RPH3A: variants seen among roughly 807,000 people sequenced by gnomAD.
RPH3A encodes rabphilin 3A, also known as rabphilin-3A.
In RPH3A, 48 loss-of-function variants were observed where a neutral mutation model predicts 102.2. The ratio of observed to expected loss-of-function variants is 0.47; its 90% CI spans 0.37 to 0.60. The LOEUF (loss-of-function observed/expected upper bound fraction) is 0.60. RPH3A is among the 20% of genes least tolerant of loss of function. The probability of loss-of-function intolerance (pLI) is 0.00; values close to 1 mark genes in which losing one functional copy is unlikely to be tolerated. For missense variants in RPH3A, 781 were observed against 910.1 expected, an observed-to-expected ratio of 0.86 and a Z score of 1.83; for synonymous variants, 310 against 324.3, an observed-to-expected ratio of 0.96 and a Z score of 0.47.
chr12:112,637,893 G>A (rs2135989775), intron 1 of RPH3A, among the ~76,000 whole-genome samples: 1 of 151,652 alleles, frequency 6.6e-6, no homozygotes, highest in Admixed American at 6.6e-5. Context: ...GATAAGGATG[G>A]TGTCTGCCAG....
At chr12:112,614,237 A>G (rs925881911) in intron 1 of RPH3A, among the ~76,000 whole-genome samples, 3 of 152,206 alleles carry the variant, frequency 2.0e-5, no homozygotes, top group African/African-American at 7.2e-5. Context: ...GCAATTTGTC[A>G]CAGCAGCAAT....
chr12:112,625,050 C>T (rs1239782568), intron 1 of RPH3A, among the ~76,000 whole-genome samples: 326 of 108,554 alleles, frequency 3.0e-3, no homozygotes, highest in African/African-American at 0.012. Context: ...ATTGATGGGA[C>T]GTATTTCAAA....
At chr12:112,749,995 G>A (rs1050237336) in intron 1 of RPH3A, among the ~76,000 whole-genome samples, 2 of 152,178 alleles carry the variant, frequency 1.3e-5, no homozygotes, top group African/African-American at 4.8e-5. Flanking sequence ...TCTGGTCACT[G>A]TTGAGGTAGT....
intron 1 of RPH3A, among the ~76,000 whole-genome samples, chr12:112,748,260 G>A (rs116072778): frequency 0.016 from 2,489 of 152,228 alleles, 50 homozygotes; most frequent in African/African-American, 0.054. Flanking sequence ...GTTCCCAGAC[G>A]TGTATGGCTA....
At chr12:112,639,327 A>G (rs2039869709) in intron 1 of RPH3A, among the ~76,000 whole-genome samples, 1 of 152,190 alleles carries the variant, frequency 6.6e-6, no homozygotes, top group Non-Finnish European at 1.5e-5. Context: ...ATAAAAAGGA[A>G]CGAGATCATG....
At chr12:112,710,084 C>T (rs1210505287) in intron 1 of RPH3A, among the ~76,000 whole-genome samples, 1 of 152,170 alleles carries the variant, frequency 6.6e-6, no homozygotes, top group Non-Finnish European at 1.5e-5. Flanking sequence ...ACACCATTCT[C>T]CTGCCTCAGC....
chr12:112,791,466 C>T (rs972884967), upstream of RPH3A: 1 of 152,538 alleles, frequency 6.6e-6, no homozygotes, highest in Non-Finnish European at 1.5e-5. Context: ...GGACTCCCCC[C>T]TTCTCTGCTT....
At chr12:112,591,359 T>C (rs1431022419) in intron 1 of RPH3A, among the ~76,000 whole-genome samples, 5 of 152,258 alleles carry the variant, frequency 3.3e-5, no homozygotes, top group Non-Finnish European at 7.3e-5. Context: ...GTGCTGGGAT[T>C]GCAAGTGTGT....
Position 112,868,718 on chromosome 12 carries a change from C to T in RPH3A, c.610+123C>T, listed in dbSNP as rs982772120. 5 of 1,088,856 alleles carry T rather than the reference C, an allele frequency of 4.6e-6. No homozygotes were observed. In the South Asian group the frequency reaches 4.9e-5, roughly 11 times the overall value. 67.4% of individuals were successfully genotyped at this position (1,088,856 alleles called of 1,614,324 possible). The stretch of plus-strand genomic sequence containing the variant: ...AGTTGTTGCATGGTCAGCTTCTGCA[C>T]TTGGGTCTAGGACTCCTATATCTCC... On this transcript the variant is annotated intron_variant, in intron 8 of 21. Transcript: ENST00000389385.
At chr12:112,719,507 G>A (rs1286985517) in intron 1 of RPH3A, among the ~76,000 whole-genome samples, 4 of 152,286 alleles carry the variant, frequency 2.6e-5, no homozygotes, top group East Asian at 1.9e-4. Context: ...ATAATAGCGT[G>A]CATTGTGCTG....
At chr12:112,668,906 T>A (rs2040106208) in intron 1 of RPH3A, among the ~76,000 whole-genome samples, 1 of 152,186 alleles carries the variant, frequency 6.6e-6, no homozygotes, top group Non-Finnish European at 1.5e-5. Flanking sequence ...GAACTCCTCA[T>A]GGCTTTTATT....
chr12:112,789,887 CA>C (rs144494791), upstream of RPH3A, among the ~76,000 whole-genome samples: 14,567 of 70,796 alleles, frequency 0.21, 878 homozygotes, highest in African/African-American at 0.32. Flanking sequence ...CCCATCTCTG[CA>C]AAAAAAAAAA....
chr12:112,883,913 G>A (rs1235974046), intron 16 of RPH3A, among the ~76,000 whole-genome samples: 3 of 152,104 alleles, frequency 2.0e-5, no homozygotes, highest in Non-Finnish European at 4.4e-5. Context: ...TACTGTTGAT[G>A]TATTTGGGTG....
chr12:112,781,397 C>T (rs941133584), intron 1 of RPH3A, among the ~76,000 whole-genome samples: 4 of 152,158 alleles, frequency 2.6e-5, no homozygotes, highest in South Asian at 2.1e-4. Flanking sequence ...CACGTGGCTG[C>T]GACTTTAGAA....
chr12:112,728,764 A>G (rs10744782), intron 1 of RPH3A, among the ~76,000 whole-genome samples: 115,265 of 152,160 alleles, frequency 0.76, 44,376 homozygotes, highest in East Asian at 0.95. Context: ...TTGGATGGCT[A>G]TGGAATTGAG....
intron 2 of RPH3A, among the ~76,000 whole-genome samples, chr12:112,825,566 G>A (rs1175447035): frequency 6.6e-6 from 1 of 152,098 alleles, no homozygotes; most frequent in Non-Finnish European, 1.5e-5. Context: ...TCAGAGGGGT[G>A]GGGTCGGGGG....
chr12:112,878,768 A>G (rs917133687), intron 13 of RPH3A, among the ~76,000 whole-genome samples: 1 of 152,222 alleles, frequency 6.6e-6, no homozygotes, highest in African/African-American at 2.4e-5. Flanking sequence ...AGACTCATTT[A>G]TTCCTTCAGC....
chr12:112,655,590 T>TTTTG (rs2040005639), intron 1 of RPH3A, among the ~76,000 whole-genome samples: 1 of 144,860 alleles, frequency 6.9e-6, no homozygotes, highest in African/African-American at 2.6e-5. Flanking sequence ...TTTTTTTTTT[T>TTTTG]GAGACAGTCT....
At chr12:112,696,262 A>G (rs1309972212) in intron 1 of RPH3A, among the ~76,000 whole-genome samples, 2 of 152,238 alleles carry the variant, frequency 1.3e-5, no homozygotes, top group Admixed American at 1.3e-4. Flanking sequence ...TTGGTTCCAT[A>G]TCTTTGCAAT....
Sources: gnomAD v4.1 joint callset for allele counts (sites outside exome capture counted in the v4.1 genomes callset) on GRCh38, gnomAD v4.1.1 for gene constraint, MANE v1.5 for transcripts, NCBI Gene and HGNC (gene_info 2026-07-23, HGNC 2026-07-21) for gene names.